AGPS: variants seen among roughly 807,000 people sequenced by gnomAD.
The protein encoded by AGPS is alkylglycerone phosphate synthase.
Under a neutral mutation model 90.7 loss-of-function variants are expected in AGPS, and 26 were observed. That is an observed-to-expected ratio of 0.29 (90% confidence interval 0.21 to 0.40). The LOEUF (loss-of-function observed/expected upper bound fraction) is 0.40. AGPS is among the 10% of genes least tolerant of loss of function. AGPS has a pLI of 1.00. For synonymous variants in AGPS, 294 were observed against 285.3 expected, an observed-to-expected ratio of 1.03 and a Z score of -0.31; for missense variants, 540 against 816.1, an observed-to-expected ratio of 0.66 and a Z score of 4.12.
intron 14 of AGPS, among the ~76,000 whole-genome samples, chr2:177,500,836 T>C (rs1308236130): frequency 6.6e-6 from 1 of 152,180 alleles, no homozygotes; most frequent in African/African-American, 2.4e-5. Context: ...CACTTAAAAA[T>C]AATTGTGCTA....
intron 12 of AGPS, among the ~76,000 whole-genome samples, chr2:177,495,028 A>G (rs893724028): frequency 6.6e-6 from 1 of 152,314 alleles, no homozygotes; most frequent in South Asian, 2.1e-4. Flanking sequence ...TTAGTTGTTA[A>G]TATTTTTAAT....
intron 1 of AGPS, among the ~76,000 whole-genome samples, chr2:177,407,076 A>G (rs140003627): frequency 6.6e-6 from 1 of 152,284 alleles, no homozygotes; most frequent in African/African-American, 2.4e-5. Flanking sequence ...TTTAAATCCT[A>G]GCTGTATCAT....
At chr2:177,520,403 T>C (rs932609419) in intron 17 of AGPS, among the ~76,000 whole-genome samples, 6 of 152,232 alleles carry the variant, frequency 3.9e-5, no homozygotes, top group South Asian at 2.1e-4. Flanking sequence ...TGCATGTCCA[T>C]ATGTATTCTA....
In AGPS at chr2:177,437,028, G is replaced by A. The variant is rs1686434114; in HGVS notation, c.611G>A (p.Arg204Gln). 1.2e-6 allele frequency: 2 copies of A among 1,613,412 alleles called. No homozygotes were observed. The highest frequency in any genetic ancestry group is 2.2e-5 in the East Asian group (1 of 44,738). The change falls in exon 5 of 20, where the codon CGA (arginine) becomes CAA (glutamine). Residue 204 changes from arginine to glutamine, a missense_variant. Physicochemically the swap from Arg to Gln is conservative, Grantham distance 43. Transcript: ENST00000264167. ...TTGCTCAGGGAAGGAATGTTTGAGCGAATTCCTGATATAGTTTTATGGCCA... is the reference window on the plus strand; with the variant it reads ...TTGCTCAGGGAAGGAATGTTTGAGCAAATTCCTGATATAGTTTTATGGCCA... ...IFLLREGMFE[R>Q]IPDIVLWPTC...
At chr2:177,521,073 C>A (rs913285072) in intron 17 of AGPS, among the ~76,000 whole-genome samples, 196 bp from the exon 18 acceptor site, 1 of 152,190 alleles carries the variant, frequency 6.6e-6, no homozygotes, top group Non-Finnish European at 1.5e-5. Context: ...TTTTGCACTG[C>A]GTCCTCAGTT....
chr2:177,487,370 A>T (rs1007687087), intron 11 of AGPS, among the ~76,000 whole-genome samples: 19 of 152,122 alleles, frequency 1.2e-4, no homozygotes, highest in African/African-American at 4.3e-4. Context: ...ATAGATGAAA[A>T]TGCAGCTTTT....
chr2:177,466,794 C>T (rs577714947), intron 9 of AGPS, among the ~76,000 whole-genome samples: 24 of 152,286 alleles, frequency 1.6e-4, no homozygotes, highest in African/African-American at 4.3e-4. Flanking sequence ...CAGACACTTC[C>T]GAGCCTGCAG....
At chr2:177,509,422 T>G (rs2105722077) in intron 16 of AGPS, among the ~76,000 whole-genome samples, 1 of 152,206 alleles carries the variant, frequency 6.6e-6, no homozygotes, top group African/African-American at 2.4e-5. Flanking sequence ...ATCCCAGGAC[T>G]TTGGGAGGCC....
Position 177,441,046 on chromosome 2 carries a change from G to T in AGPS, c.709+10G>T. 1.9e-6 allele frequency: 3 copies of T among 1,602,378 alleles called. No individual in the cohort carries two copies. The highest frequency in any genetic ancestry group is 2.6e-6 in the Non-Finnish European group (3 of 1,170,576). Reference sequence around the variant, plus strand: ...ATCATACCAATTGGTGGTAGGTATTGTGCCTTTTGAATTTTAATATGTAAA... The same window carrying T: ...ATCATACCAATTGGTGGTAGGTATTTTGCCTTTTGAATTTTAATATGTAAA... On this transcript the variant is annotated intron_variant, in intron 6 of 19. Transcript: ENST00000264167.
rs192807389 is a variant in AGPS, at chr2:177,489,609, A to G, written c.1234-3539A>G. ...TGAAGTCATCGTGGTTATTTATTTC[A>G]TTATTAAAGTACAAAAAGTATACTG... is the stretch of plus-strand genomic sequence containing the variant. On this transcript the variant is annotated intron_variant, in intron 11 of 19. Coordinates refer to ENST00000264167, the MANE Select transcript of AGPS (RefSeq NM_003659.4). Among the ~76,000 whole-genome samples, 955 of 152,302 alleles carry G rather than the reference A, an allele frequency of 6.3e-3. 4 individuals carry two copies. Among genetic ancestry groups the G allele is most frequent in the Non-Finnish European group, 0.011 (738 of 68,006 alleles).
intron 8 of AGPS, among the ~76,000 whole-genome samples, chr2:177,446,930 A>G (rs559817921): frequency 6.6e-6 from 1 of 152,310 alleles, no homozygotes; most frequent in East Asian, 1.9e-4. Context: ...TTGGGATCCT[A>G]ATGAATTTTT....
At chr2:177,442,786 G>T (rs1296072181) in intron 7 of AGPS, among the ~76,000 whole-genome samples, 1 of 145,124 alleles carries the variant, frequency 6.9e-6, no homozygotes, top group Non-Finnish European at 1.5e-5. Context: ...GGTGGAGGTT[G>T]CAGTGAGCCA....
chr2:177,436,139 A>ATTTTTTTT (rs1172040227), intron 3 of AGPS, among the ~76,000 whole-genome samples: 1,886 of 82,010 alleles, frequency 0.023, 363 homozygotes, highest in African/African-American at 0.03. Flanking sequence ...GAAATGCTGA[A>ATTTTTTTT]TTTTTTTTTT....
At chr2:177,401,736 G>A (rs549572669) in intron 1 of AGPS, among the ~76,000 whole-genome samples, 2 of 151,996 alleles carry the variant, frequency 1.3e-5, no homozygotes, top group Non-Finnish European at 2.9e-5. Context: ...GTAGAGATGG[G>A]GTTTCACCCT....
intron 1 of AGPS, among the ~76,000 whole-genome samples, chr2:177,405,116 A>G (rs1235065868): frequency 2.0e-5 from 3 of 152,164 alleles, no homozygotes; most frequent in Non-Finnish European, 4.4e-5. Flanking sequence ...TCTTGCTACT[A>G]TTTGCTGCAG....
chr2:177,468,605 G>C, intron 10 of AGPS, 81 bp downstream of exon 10: 1 of 988,548 alleles, frequency 1.0e-6, no homozygotes, highest in Non-Finnish European at 1.6e-6. Flanking sequence ...TGTGACATCA[G>C]ATCTTTGAAA....
At chr2:177,488,523 C>T (rs1162806395) in intron 11 of AGPS, among the ~76,000 whole-genome samples, 1 of 152,004 alleles carries the variant, frequency 6.6e-6, no homozygotes, top group African/African-American at 2.4e-5. Context: ...TGTTGTGTGC[C>T]TTATTTGAGG....
At chr2:177,466,493 G>A (rs1687452251) in intron 9 of AGPS, among the ~76,000 whole-genome samples, 1 of 152,230 alleles carries the variant, frequency 6.6e-6, no homozygotes, top group African/African-American at 2.4e-5. Context: ...TTTCCGCCCA[G>A]GAGCCTGTCT....
intron 8 of AGPS, among the ~76,000 whole-genome samples, chr2:177,445,940 G>A (rs1686756303): frequency 6.6e-6 from 1 of 152,116 alleles, no homozygotes; most frequent in South Asian, 2.1e-4. Flanking sequence ...AGGGTATTAT[G>A]GATCATCAAA....
Sources: gnomAD v4.1 joint callset for allele counts (sites outside exome capture counted in the v4.1 genomes callset) on GRCh38, gnomAD v4.1.1 for gene constraint, MANE v1.5 for transcripts, NCBI Gene and HGNC (gene_info 2026-07-23, HGNC 2026-07-21) for gene names.